The following TSHR variants were observed in gnomAD, a reference collection of about 807,000 sequenced individuals.
The protein encoded by TSHR is thyroid stimulating hormone receptor.
Under a neutral mutation model 64.1 loss-of-function variants are expected in TSHR, and 51 were observed. The ratio of observed to expected loss-of-function variants is 0.80; its 90% CI spans 0.64 to 1.01. The LOEUF (loss-of-function observed/expected upper bound fraction) is 1.01. Ranked by LOEUF, TSHR falls within the 50% of genes least tolerant of loss-of-function variation. The probability of loss-of-function intolerance (pLI) is 0.00; values close to 1 mark genes in which losing one functional copy is unlikely to be tolerated. For missense variants in TSHR, 877 were observed against 942.8 expected (o/e 0.93, Z 0.91); for synonymous variants, 361 against 361.9 (o/e 1.00, Z 0.03).
At chr14:81,083,201 C>G (rs1888036621) in intron 3 of TSHR, among the ~76,000 whole-genome samples, 1 of 152,048 alleles carries the variant, frequency 6.6e-6, no homozygotes, top group African/African-American at 2.4e-5. Context: ...AACGGGAAAG[C>G]CAGATGTCCT....
chr14:81,068,409 G>T, intron 3 of TSHR, 81 bp downstream of exon 3: 1 of 1,336,558 alleles, frequency 7.5e-7, no homozygotes, highest in South Asian at 1.2e-5. Flanking sequence ...GATGGCAATG[G>T]GAGCTGGTTT....
At chr14:81,005,991 T>A (rs754420531) in intron 1 of TSHR, among the ~76,000 whole-genome samples, 1 of 152,088 alleles carries the variant, frequency 6.6e-6, no homozygotes, top group Non-Finnish European at 1.5e-5. Context: ...ATGAGCAAAA[T>A]CTTAAAGAGA....
At chr14:80,970,244 T>C (rs753632866) in intron 1 of TSHR, among the ~76,000 whole-genome samples, 4 of 152,204 alleles carry the variant, frequency 2.6e-5, no homozygotes, top group Non-Finnish European at 4.4e-5. Flanking sequence ...TATTCATGAA[T>C]TTACCTTCCC....
chr14:80,969,731 C>T (rs1193724518), intron 1 of TSHR, among the ~76,000 whole-genome samples: 1 of 152,174 alleles, frequency 6.6e-6, no homozygotes, highest in Non-Finnish European at 1.5e-5. Flanking sequence ...TCTAGTCTAC[C>T]TGGGTGTTGA....
intron 1 of TSHR, among the ~76,000 whole-genome samples, chr14:81,044,236 AAAAC>A (rs1885056216): frequency 6.6e-6 from 1 of 152,172 alleles, no homozygotes; most frequent in Non-Finnish European, 1.5e-5. Flanking sequence ...AAATTTACAA[AAAAC>A]AAACAACCTC....
intron 6 of TSHR, among the ~76,000 whole-genome samples, 189 bp downstream of exon 6, chr14:81,092,797 G>A (rs760589113): frequency 3.3e-5 from 5 of 152,102 alleles, no homozygotes; most frequent in Non-Finnish European, 7.4e-5. Context: ...AACAGTTTAG[G>A]TAACAAGACA....
At chr14:80,990,961 G>A (rs1888698133) in intron 1 of TSHR, among the ~76,000 whole-genome samples, 1 of 152,172 alleles carries the variant, frequency 6.6e-6, no homozygotes, top group Admixed American at 6.5e-5. Context: ...GGCTGAAACA[G>A]ATAATTTTTA....
chr14:81,039,115 C>T (rs765078209), intron 1 of TSHR, among the ~76,000 whole-genome samples: 15 of 151,714 alleles, frequency 9.9e-5, no homozygotes, highest in Non-Finnish European at 2.1e-4. Flanking sequence ...GGCAAAAATC[C>T]TCAACAAAAT....
At chr14:81,099,471 A>C (rs2140006837) in intron 7 of TSHR, 1 of 152,268 alleles carries the variant, frequency 6.6e-6, no homozygotes, top group South Asian at 2.1e-4. Context: ...GATTGCTTAG[A>C]CTTCTTAGCT....
At chr14:81,051,660 G>A (rs1048776709) in intron 1 of TSHR, 1 of 152,116 alleles carries the variant, frequency 6.6e-6, no homozygotes, top group African/African-American at 2.4e-5. Flanking sequence ...ACAACACAGT[G>A]TGTGATGGTT....
At chr14:81,037,448 A>AAAAAAAAAAAAC (rs1273226258) in intron 1 of TSHR, among the ~76,000 whole-genome samples, 5 of 128,536 alleles carry the variant, frequency 3.9e-5, no homozygotes, top group East Asian at 4.8e-4. Flanking sequence ...AACAAACAAA[A>AAAAAAAAAAAAC]AACAGAAAAT....
At chr14:80,986,602 T>C (rs1462982826) in intron 1 of TSHR, among the ~76,000 whole-genome samples, 1 of 152,048 alleles carries the variant, frequency 6.6e-6, no homozygotes, top group Admixed American at 6.5e-5. Context: ...TTCTCCTGTC[T>C]CAGCCTTCCA....
intron 1 of TSHR, among the ~76,000 whole-genome samples, chr14:80,984,210 C>T (rs1420913309): frequency 2.6e-5 from 4 of 152,188 alleles, no homozygotes; most frequent in African/African-American, 7.2e-5. Flanking sequence ...GATACTCATT[C>T]CACAACACAG....
Position 81,144,062 on chromosome 14 carries a change from A to G in TSHR, c.2004A>G (p.Pro668=). The change falls in exon 10 of 10, where the codon CCA becomes CCG. Residue 668 remains proline, a synonymous_variant. Transcript: ENST00000298171. ...AAATCTTGCTGGTACTCTTCTATCCACTTAACTCCTGTGCCAATCCATTCC... is the reference window on the plus strand; with the variant it reads ...AAATCTTGCTGGTACTCTTCTATCCGCTTAACTCCTGTGCCAATCCATTCC... ...NSKILLVLFY[P]LNSCANPFLY... 1 of 1,614,084 alleles carries G rather than the reference A, an allele frequency of 6.2e-7. No individual in the cohort carries two copies.
chr14:81,009,308 A>G (rs552849483), intron 1 of TSHR, among the ~76,000 whole-genome samples: 12 of 152,320 alleles, frequency 7.9e-5, no homozygotes, highest in African/African-American at 2.6e-4. Flanking sequence ...TTTGTAGACC[A>G]CATTGATTCA....
intron 7 of TSHR, among the ~76,000 whole-genome samples, chr14:81,101,361 A>G (rs1052954075): frequency 2.6e-5 from 4 of 152,170 alleles, no homozygotes; most frequent in Admixed American, 2.0e-4. Context: ...CATCCCAGAT[A>G]GGGTCTTGAA....
chr14:80,990,474 G>T (rs888076143), intron 1 of TSHR, among the ~76,000 whole-genome samples: 6 of 152,220 alleles, frequency 3.9e-5, no homozygotes, highest in Admixed American at 1.3e-4. Context: ...CTGCGGGAAG[G>T]TTCCTCGGTT....
At chr14:81,094,174 T>C (rs1357471386) in intron 6 of TSHR, 1 of 152,230 alleles carries the variant, frequency 6.6e-6, no homozygotes, top group African/African-American at 2.4e-5. Context: ...CAAAAAACTA[T>C]CAACTTGAAA....
At chr14:81,019,302 T>TGA (rs1471218182) in intron 1 of TSHR, among the ~76,000 whole-genome samples, 4 of 148,886 alleles carry the variant, frequency 2.7e-5, no homozygotes, top group African/African-American at 1.0e-4. Flanking sequence ...TCACTGCACT[T>TGA]CAGCCTGGGT....
Sources: allele counts gnomAD v4.1 joint callset (sites outside exome capture counted in the v4.1 genomes callset), GRCh38; gene constraint gnomAD v4.1.1; transcripts MANE v1.5; gene names NCBI Gene and HGNC (gene_info 2026-07-23, HGNC 2026-07-21).